The following HEATR4 variants were observed in gnomAD, a reference collection of about 807,000 sequenced individuals.
HEATR4 encodes HEAT repeat containing 4, also known as HEAT repeat-containing protein 4.
Under a neutral mutation model 108.8 loss-of-function variants are expected in HEATR4, and 95 were observed. That is an observed-to-expected ratio of 0.87 (90% CI 0.74 to 1.04). HEATR4 has a LOEUF of 1.04. Among genes scored for constraint, HEATR4 ranks in the 50% least tolerant of loss-of-function variants. HEATR4 has a pLI of 0.00. For missense variants in HEATR4, 1,152 were observed against 1,253.8 expected, an observed-to-expected ratio of 0.92 and a Z score of 1.23; for synonymous variants, 443 against 459.4, an observed-to-expected ratio of 0.96 and a Z score of 0.46.
At chr14:73,494,299 G>A (rs989254528) in intron 16 of HEATR4, among the ~76,000 whole-genome samples, 4 of 152,162 alleles carry the variant, frequency 2.6e-5, no homozygotes, top group Non-Finnish European at 5.9e-5. Context: ...AGTGACCTGA[G>A]GCTGATGCTA....
intron 9 of HEATR4, 98 bp downstream of exon 9, chr14:73,508,036 G>T: frequency 8.5e-7 from 1 of 1,178,572 alleles, no homozygotes; most frequent in African/African-American, 1.5e-5. Context: ...ATAAGCCACT[G>T]CCCCGGCCCC....
chr14:73,509,896 C>T (rs1188218226), intron 7 of HEATR4, among the ~76,000 whole-genome samples: 3 of 126,460 alleles, frequency 2.4e-5, no homozygotes, highest in Non-Finnish European at 3.2e-5. Flanking sequence ...TTTTTTGAGA[C>T]GGAGTCTTGT....
At chr14:73,506,802 C>CTTTTTTTTTTTTTTTTTTTTTTTTTT (rs1470976246) in intron 9 of HEATR4, among the ~76,000 whole-genome samples, 1 of 58,052 alleles carries the variant, frequency 1.7e-5, no homozygotes, top group East Asian at 9.1e-4. Context: ...CTGACTTTAA[C>CTTTTTTTTTTTTTTTTTTTTTTTTTT]TGTTTTTTTT....
Position 73,553,721 on chromosome 14 carries a change from G to A in HEATR4, c.-152+5030C>T, listed in dbSNP as rs1207928693. Among the ~76,000 whole-genome samples, 5 of 112,236 alleles carry A rather than the reference G, an allele frequency of 4.5e-5. No individual in the cohort carries two copies. The Admixed American group carries it at 5.0e-4, about 11-fold the overall frequency. 73.6% of individuals were successfully genotyped at this position (112,236 alleles called of 152,430 possible). On this transcript the variant is annotated intron_variant, in intron 1 of 17. Transcript: ENST00000553558. The stretch of plus-strand genomic sequence containing the variant: ...GCAATCTTGGCACACTGCAACCTCT[G>A]CCTCCCAGGTTCAAGCAATTCTTGT...
rs557603841 is a variant in HEATR4, at chr14:73,493,060, AT to A, written c.2844+5del. On this transcript the variant is annotated splice_donor_5th_base_variant and intron_variant, in intron 17 of 17. Transcript: ENST00000553558. ...CCTTGATAAGCATCAGTGTGCTCAC[AT>A]TTACCTTTATCACTGCTTCAGTGTC... The A allele has an allele frequency of 4.2e-4, 672 of 1,604,164 alleles. 2 individuals are homozygous for A. In the African/African-American group the frequency reaches 8.5e-3, roughly 20 times the overall value.
chr14:73,628,973 T>C, the HEATR4 span, among the ~76,000 whole-genome samples: 13 of 151,602 alleles, frequency 8.6e-5, no homozygotes, highest in Non-Finnish European at 1.6e-4. Context: ...GAGAATTCCC[T>C]GTACCTGGGA....
chr14:73,616,997 G>A, the HEATR4 span: 2 of 691,390 alleles, frequency 2.9e-6, no homozygotes, highest in Non-Finnish European at 5.1e-6. Flanking sequence ...CAGGCAGGGG[G>A]CCCTTTCCTG....
At chr14:73,504,581 T>C (rs1886690915) in intron 10 of HEATR4, among the ~76,000 whole-genome samples, 1 of 152,172 alleles carries the variant, frequency 6.6e-6, no homozygotes, top group Non-Finnish European at 1.5e-5. Context: ...GTGACGCCTG[T>C]GCTGCTGGTC....
chr14:73,612,456 C>T, the HEATR4 span: 1 of 682,258 alleles, frequency 1.5e-6, no homozygotes, highest in Non-Finnish European at 2.1e-6. Context: ...CAAGTCCAAC[C>T]AATGGGAGTA....
At chr14:73,628,217 G>A in the HEATR4 span, among the ~76,000 whole-genome samples, 3 of 152,204 alleles carry the variant, frequency 2.0e-5, no homozygotes, top group Non-Finnish European at 4.4e-5. Context: ...AAGACAACAC[G>A]TTGGAGATTC....
chr14:73,506,804 GTTTTTTTTTT>G (rs34660727), intron 9 of HEATR4, among the ~76,000 whole-genome samples: 1 of 80,522 alleles, frequency 1.2e-5, no homozygotes, highest in African/African-American at 4.9e-5. Context: ...GACTTTAACT[GTTTTTTTTTT>G]TTTTTTTTTT....
intron 17 of HEATR4, chr14:73,491,433 C>T: frequency 7.4e-7 from 1 of 1,354,776 alleles, no homozygotes; most frequent in Non-Finnish European, 9.4e-7. Context: ...CCCGCCGCGC[C>T]GGTCCGGGTG....
chr14:73,551,766 G>A (rs1163174880), intron 1 of HEATR4, among the ~76,000 whole-genome samples: 2 of 106,356 alleles, frequency 1.9e-5, no homozygotes, highest in Non-Finnish European at 4.0e-5. Flanking sequence ...CTGAGACCAC[G>A]CCATTACACT....
At chr14:73,606,583 A>G in the HEATR4 span, among the ~76,000 whole-genome samples, 3,121 of 152,278 alleles carry the variant, frequency 0.02, 65 homozygotes, top group South Asian at 0.096. Flanking sequence ...GGAAGCAGGC[A>G]AGGTGAACCC....
At position 73,544,662 on chromosome 14, in the gene HEATR4, C is replaced by T. The variant is rs1158045051; in HGVS notation, c.-152+14089G>A. Reference sequence around the variant, plus strand: ...AAATTCAATAACAATTTAGGCTTGGCATGGTGGCTCACACTTGTAATGCCA... The same window carrying T: ...AAATTCAATAACAATTTAGGCTTGGTATGGTGGCTCACACTTGTAATGCCA... On this transcript the variant is annotated intron_variant, in intron 1 of 17. Coordinates refer to ENST00000553558, the MANE Select transcript of HEATR4 (RefSeq NM_001220484.1). Among the ~76,000 whole-genome samples the T allele has an allele frequency of 4.3e-5, 5 of 115,426 alleles. 1 individual carries two copies. Among genetic ancestry groups the T allele is most frequent in the Non-Finnish European group, 5.7e-5 (3 of 53,004 alleles). The allele number at this position is 115,426 out of a possible 152,430, so 75.7% of individuals were successfully genotyped here. A position where few individuals can be genotyped will look rare whatever the true frequency, so the allele number is the denominator to read the frequency against.
Position 73,492,078 on chromosome 14 carries a change from G to A in HEATR4, c.2844+988C>T. 6.8e-6 allele frequency: 11 copies of A among 1,614,000 alleles called. No homozygotes were observed. The highest frequency in any genetic ancestry group is 9.3e-6 in the Non-Finnish European group (11 of 1,179,892). On this transcript the variant is annotated intron_variant, in intron 17 of 17. Transcript: ENST00000553558. This position sits in a 1 kb window ranked among gnomAD's most constrained non-coding sequence, Gnocchi z 4.9. ...GCCTTCGTGCTGCAGCTGGAAGGTA[G>A]GAAACTCTGGCGTGTATACCGACCC... is the stretch of plus-strand genomic sequence containing the variant.
intron 15 of HEATR4, 87 bp from the exon 16 acceptor site, chr14:73,495,474 G>A: frequency 8.9e-7 from 1 of 1,126,166 alleles, no homozygotes; most frequent in Non-Finnish European, 1.3e-6. Context: ...TAAAGTGATT[G>A]TAGGAGGCTG....
At chr14:73,612,770 G>C in the HEATR4 span, 1 of 1,367,060 alleles carries the variant, frequency 7.3e-7, no homozygotes, top group South Asian at 1.7e-5. Context: ...GCGCGCGCCC[G>C]CGCTGGGAGG....
chr14:73,612,964 G>T, the HEATR4 span: 7 of 1,212,654 alleles, frequency 5.8e-6, no homozygotes, highest in African/African-American at 9.6e-5. Flanking sequence ...ACTTTCTCCG[G>T]CCGGGGGTGC....
Sources: gnomAD v4.1 joint callset for allele counts (sites outside exome capture counted in the v4.1 genomes callset) on GRCh38, gnomAD v4.1.1 for gene constraint, Gnocchi (gnomAD v3.1) non-coding constraint, MANE v1.5 for transcripts, NCBI Gene and HGNC (gene_info 2026-07-23, HGNC 2026-07-21) for gene names.